CHN1: variants seen among roughly 807,000 people sequenced by gnomAD.
CHN1 encodes chimerin 1, also known as N-chimaerin.
In CHN1, 37 loss-of-function variants were observed where a neutral mutation model predicts 59.5. That is an observed-to-expected ratio of 0.62 (90% CI 0.48 to 0.82). CHN1 has a LOEUF of 0.82. Among genes scored for constraint, CHN1 ranks in the 40% least tolerant of loss-of-function variants. CHN1 has a pLI of 0.00. For missense variants in CHN1, 469 were observed against 571.0 expected (o/e 0.82, Z 1.82); for synonymous variants, 206 against 200.4 (o/e 1.03, Z -0.24).
rs575135875 is a variant in CHN1 at position 174,827,104 on chromosome 2, T to A, written c.628-2586A>T. Among the ~76,000 whole-genome samples the A allele has an allele frequency of 2.1e-4, 32 of 152,338 alleles. No homozygotes were observed. In the East Asian group the frequency reaches 6.0e-3, roughly 28 times the overall value. On this transcript the variant is annotated intron_variant, in intron 7 of 12. Coordinates refer to ENST00000409900, the MANE Select transcript of CHN1 (RefSeq NM_001822.7). Reference sequence around the variant, plus strand: ...TATCTAAAACTCACTTGAATTTTTATATCTAAAATCCATATATCTCAAGTT... The same window carrying A: ...TATCTAAAACTCACTTGAATTTTTAAATCTAAAATCCATATATCTCAAGTT...
rs150707772 is a variant in CHN1, at chr2:174,905,103, A to C, written c.260+9955T>G. On this transcript the variant is annotated intron_variant, in intron 5 of 12. Coordinates refer to ENST00000409900, the MANE Select transcript of CHN1 (RefSeq NM_001822.7). ...AATGTTAGCTAATATTATATTTATAAAACTGTTAAGTCCATTAAAAAAAAT... is the reference window on the plus strand; with the variant it reads ...AATGTTAGCTAATATTATATTTATACAACTGTTAAGTCCATTAAAAAAAAT... Among the ~76,000 whole-genome samples, 674 of 152,320 alleles carry C rather than the reference A, an allele frequency of 4.4e-3. 6 individuals carry two copies. Among genetic ancestry groups the C allele is most frequent in the African/African-American group, 0.015 (635 of 41,564 alleles).
intron 1 of CHN1, among the ~76,000 whole-genome samples, chr2:174,985,651 A>G (rs763198093): frequency 4.6e-5 from 7 of 152,200 alleles, no homozygotes; most frequent in African/African-American, 1.2e-4. Context: ...TTTGTATTCT[A>G]CAGATCCCAG....
At chr2:174,908,958 T>C (rs1450608087) in intron 5 of CHN1, among the ~76,000 whole-genome samples, 4 of 152,166 alleles carry the variant, frequency 2.6e-5, no homozygotes, top group Non-Finnish European at 5.9e-5. Flanking sequence ...CTAAAGTCAG[T>C]TTGGAAAACA....
chr2:174,924,062 A>G (rs1483309812), intron 3 of CHN1, among the ~76,000 whole-genome samples: 1 of 152,312 alleles, frequency 6.6e-6, no homozygotes, highest in Middle Eastern at 3.4e-3. Context: ...AACATGCTAC[A>G]TTGGCATAAG....
At chr2:174,925,246 A>G (rs1290202192) in intron 3 of CHN1, among the ~76,000 whole-genome samples, 1 of 152,206 alleles carries the variant, frequency 6.6e-6, no homozygotes, top group African/African-American at 2.4e-5. Context: ...TTTAGGCACA[A>G]CTGACCAGCA....
rs530534826 is a variant in CHN1, at chr2:174,873,812, T to C, written c.549+4028A>G. 4.6e-5 allele frequency among the ~76,000 whole-genome samples: 7 copies of C among 152,278 alleles called. 1 individual carries two copies. Among genetic ancestry groups the C allele is most frequent in the African/African-American group, 1.7e-4 (7 of 41,556 alleles). The stretch of plus-strand genomic sequence containing the variant: ...CCTTAAAAATAAATTAATATGACAA[T>C]GTGCCAAGCACTGCATTCATTCCAA... On this transcript the variant is annotated intron_variant, in intron 6 of 12. Coordinates refer to ENST00000409900, the MANE Select transcript of CHN1 (RefSeq NM_001822.7).
chr2:174,967,624 A>C (rs1690635022), intron 1 of CHN1, among the ~76,000 whole-genome samples: 1 of 152,160 alleles, frequency 6.6e-6, no homozygotes, highest in Admixed American at 6.5e-5. Context: ...GAGAATTTTT[A>C]CTTTTTATAA....
intron 6 of CHN1, chr2:174,847,728 G>GTT: frequency 1.2e-6 from 1 of 803,734 alleles, no homozygotes. Context: ...CTCTGTCTCT[G>GTT]TTTCTCCCTC....
At chr2:174,936,569 CA>C (rs898435039) in intron 3 of CHN1, among the ~76,000 whole-genome samples, 6 of 151,934 alleles carry the variant, frequency 3.9e-5, no homozygotes, top group African/African-American at 1.4e-4. Flanking sequence ...CATGAAATAA[CA>C]AACAAAACCA....
intron 7 of CHN1, among the ~76,000 whole-genome samples, chr2:174,837,907 G>A (rs1244583984): frequency 6.6e-6 from 1 of 152,068 alleles, no homozygotes; most frequent in Non-Finnish European, 1.5e-5. Flanking sequence ...TTTGATGGAG[G>A]CAACAATATT....
chr2:174,933,973 A>T (rs569880708), intron 3 of CHN1, among the ~76,000 whole-genome samples: 153 of 152,238 alleles, frequency 1.0e-3, no homozygotes, highest in African/African-American at 3.4e-3. Context: ...CAAAATTATG[A>T]GCTGAAAATT....
At chr2:174,815,155 T>C (rs1403989476) in intron 8 of CHN1, among the ~76,000 whole-genome samples, 6 of 152,148 alleles carry the variant, frequency 3.9e-5, no homozygotes, top group Admixed American at 6.6e-5. Context: ...AGTGGGAGAA[T>C]TGCTTAAGGC....
intron 5 of CHN1, among the ~76,000 whole-genome samples, chr2:174,889,383 CA>C (rs915378822): frequency 1.3e-5 from 2 of 151,846 alleles, no homozygotes; most frequent in Non-Finnish European, 2.9e-5. Flanking sequence ...AAACTAAACC[CA>C]AATAAATGGA....
chr2:174,914,567 C>A (rs1352949135), intron 5 of CHN1, among the ~76,000 whole-genome samples: 6 of 152,110 alleles, frequency 3.9e-5, no homozygotes, highest in South Asian at 2.1e-4. Context: ...GCTTTTCAGG[C>A]CGGGTGTGGT....
intron 5 of CHN1, among the ~76,000 whole-genome samples, chr2:174,887,378 C>T (rs1464299293): frequency 6.6e-6 from 1 of 152,060 alleles, no homozygotes; most frequent in Non-Finnish European, 1.5e-5. Context: ...AAATGTAATA[C>T]AGAATGTATT....
intron 7 of CHN1, among the ~76,000 whole-genome samples, chr2:174,832,227 A>G (rs1465542560): frequency 6.6e-6 from 1 of 152,106 alleles, no homozygotes; most frequent in Non-Finnish European, 1.5e-5. Flanking sequence ...GAAGTTATTA[A>G]AAGTATGTAG....
intron 1 of CHN1, among the ~76,000 whole-genome samples, chr2:174,958,396 C>T (rs1574212910): frequency 6.6e-6 from 1 of 152,190 alleles, no homozygotes; most frequent in African/African-American, 2.4e-5. Context: ...GGTTGGGGAA[C>T]TCCCCCACTC....
At chr2:174,989,097 G>T (rs969866362) in intron 1 of CHN1, among the ~76,000 whole-genome samples, 1 of 152,134 alleles carries the variant, frequency 6.6e-6, no homozygotes, top group Non-Finnish European at 1.5e-5. Context: ...GATAAACAAG[G>T]CCAGGCATGG....
At chr2:174,892,863 A>C (rs1688096047) in intron 5 of CHN1, among the ~76,000 whole-genome samples, 1 of 152,232 alleles carries the variant, frequency 6.6e-6, no homozygotes, top group African/African-American at 2.4e-5. Context: ...CAAAAACCAC[A>C]TGATCACCTC....
Sources: allele counts gnomAD v4.1 joint callset (sites outside exome capture counted in the v4.1 genomes callset), GRCh38; gene constraint gnomAD v4.1.1; transcripts MANE v1.5; gene names NCBI Gene and HGNC (gene_info 2026-07-23, HGNC 2026-07-21).